RASA2: variants seen among roughly 807,000 people sequenced by gnomAD.
RASA2 encodes RAS p21 protein activator 2.
In RASA2, 155 loss-of-function variants were observed where a neutral mutation model predicts 118.2. The ratio of observed to expected loss-of-function variants is 1.31; its 90% confidence interval spans 1.15 to 1.50. The LOEUF is 1.50. RASA2 is among the 40% of genes most tolerant of loss of function. The pLI is 0.00. For synonymous variants in RASA2, 353 were observed against 349.1 expected (o/e 1.01, Z -0.12); for missense variants, 1,016 against 1,009.6 (o/e 1.01, Z -0.09).
chr3:141,491,078 T>C (rs2081634825), intron 1 of RASA2, among the ~76,000 whole-genome samples: 1 of 152,242 alleles, frequency 6.6e-6, no homozygotes. Flanking sequence ...AAGACCTATA[T>C]TCTTCTTTAA....
At chr3:141,577,562 A>G (rs1330563374) in intron 15 of RASA2, among the ~76,000 whole-genome samples, 1 of 152,198 alleles carries the variant, frequency 6.6e-6, no homozygotes, top group Non-Finnish European at 1.5e-5. Context: ...AGAAGGCTAC[A>G]AGAGAAATTC....
chr3:141,491,888 AATTC>A (rs2081643981), intron 1 of RASA2, among the ~76,000 whole-genome samples: 1 of 152,180 alleles, frequency 6.6e-6, no homozygotes, highest in African/African-American at 2.4e-5. Context: ...CCGTCTATTT[AATTC>A]TGTGAAGTAT....
At chr3:141,580,534 T>C in intron 16 of RASA2, 83 bp downstream of exon 16, 1 of 1,075,164 alleles carries the variant, frequency 9.3e-7, no homozygotes, top group East Asian at 2.5e-5. Flanking sequence ...ACTTACCTTC[T>C]TCCAAATTAA....
At chr3:141,607,476 G>A (rs2083565517) in intron 19 of RASA2, among the ~76,000 whole-genome samples, 1 of 152,062 alleles carries the variant, frequency 6.6e-6, no homozygotes, top group South Asian at 2.1e-4. Context: ...GCAAAGAAAA[G>A]CAGTGGTCAC....
intron 5 of RASA2, among the ~76,000 whole-genome samples, chr3:141,550,314 A>C (rs1402963854): frequency 1.3e-5 from 2 of 152,260 alleles, no homozygotes; most frequent in Non-Finnish European, 2.9e-5. Context: ...CCTAATCATG[A>C]GTAAACATCA....
intron 9 of RASA2, among the ~76,000 whole-genome samples, chr3:141,570,070 A>G (rs1416970547): frequency 6.8e-6 from 1 of 146,464 alleles, no homozygotes; most frequent in Non-Finnish European, 1.5e-5. Context: ...GTGTTTTTAA[A>G]TTCCCATGAT....
chr3:141,610,391 T>TA (rs1377407034), intron 23 of RASA2, among the ~76,000 whole-genome samples: 1 of 85,632 alleles, frequency 1.2e-5, no homozygotes, highest in Non-Finnish European at 2.4e-5. Flanking sequence ...TATTATATAT[T>TA]TATATTTATA....
intron 5 of RASA2, among the ~76,000 whole-genome samples, chr3:141,553,387 TA>T (rs1212839571): frequency 1.3e-5 from 2 of 152,174 alleles, no homozygotes; most frequent in African/African-American, 4.8e-5. Context: ...ACACATCCCT[TA>T]TCTACAGTGC....
intron 12 of RASA2, 128 bp from the exon 13 acceptor site, chr3:141,573,019 A>T (rs1417547339): frequency 1.3e-6 from 1 of 797,258 alleles, no homozygotes; most frequent in African/African-American, 1.8e-5. Context: ...TTATCCCTGC[A>T]TAGGACATTT....
chr3:141,538,622 A>G (rs1057156947), intron 4 of RASA2, among the ~76,000 whole-genome samples: 11 of 152,184 alleles, frequency 7.2e-5, no homozygotes, highest in Non-Finnish European at 1.6e-4. Context: ...AGAAATTATA[A>G]TTTCCTTAAT....
chr3:141,604,690 C>G (rs1369199731), intron 19 of RASA2, among the ~76,000 whole-genome samples: 1 of 142,880 alleles, frequency 7.0e-6, no homozygotes, highest in East Asian at 2.1e-4. Flanking sequence ...TTAAGGAATT[C>G]TTTCAGATAG....
At chr3:141,567,964 A>G (rs2082848710) in intron 9 of RASA2, among the ~76,000 whole-genome samples, 1 of 152,230 alleles carries the variant, frequency 6.6e-6, no homozygotes, top group African/African-American at 2.4e-5. Flanking sequence ...TCCCAGACCC[A>G]AAAAGCAAAT....
intron 9 of RASA2, among the ~76,000 whole-genome samples, chr3:141,562,525 C>T (rs1486003920): frequency 8.5e-6 from 1 of 117,306 alleles, no homozygotes; most frequent in Non-Finnish European, 1.8e-5. Context: ...CAGGAGCTGG[C>T]GCAGGAGAAA....
chr3:141,599,623 G>A (rs1179872004), intron 19 of RASA2, among the ~76,000 whole-genome samples: 1 of 152,182 alleles, frequency 6.6e-6, no homozygotes, highest in African/African-American at 2.4e-5. Flanking sequence ...TTTTTATTGG[G>A]AAGGGAGGTT....
intron 19 of RASA2, among the ~76,000 whole-genome samples, chr3:141,598,869 G>C (rs2083416682): frequency 2.0e-5 from 3 of 152,072 alleles, no homozygotes; most frequent in African/African-American, 7.2e-5. Flanking sequence ...CAGATCACTT[G>C]AGGTCAGGAG....
At chr3:141,538,482 A>T (rs959611331) in intron 4 of RASA2, among the ~76,000 whole-genome samples, 1 of 152,156 alleles carries the variant, frequency 6.6e-6, no homozygotes, top group East Asian at 1.9e-4. Context: ...TTGTAATTTT[A>T]TACATATATG....
At chr3:141,491,277 A>T (rs919511301) in intron 1 of RASA2, among the ~76,000 whole-genome samples, 4 of 152,048 alleles carry the variant, frequency 2.6e-5, no homozygotes, top group African/African-American at 9.7e-5. Context: ...TCATCCCTCA[A>T]AAGCCTGCTC....
intron 19 of RASA2, among the ~76,000 whole-genome samples, chr3:141,588,867 A>T (rs1242805432): frequency 6.7e-6 from 1 of 149,108 alleles, no homozygotes; most frequent in African/African-American, 2.5e-5. Flanking sequence ...TTTGAGATGG[A>T]TTCTCACTCT....
intron 15 of RASA2, among the ~76,000 whole-genome samples, chr3:141,577,420 TC>T (rs915912947): frequency 3.3e-5 from 5 of 152,174 alleles, no homozygotes; most frequent in Non-Finnish European, 7.4e-5. Flanking sequence ...AAGTTTTTTT[TC>T]ATTAGTTACA....
Sources: gnomAD v4.1 joint callset for allele counts (sites outside exome capture counted in the v4.1 genomes callset) on GRCh38, gnomAD v4.1.1 for gene constraint, MANE v1.5 for transcripts, NCBI Gene and HGNC (gene_info 2026-07-23, HGNC 2026-07-21) for gene names.